The following ALG9 variants were observed in gnomAD, a reference collection of about 807,000 sequenced individuals.
The protein encoded by ALG9 is alpha-1,2-mannosyltransferase ALG9.
Under a neutral mutation model 81.8 loss-of-function variants are expected in ALG9, and 55 were observed. The ratio of observed to expected loss-of-function variants is 0.67; its 90% CI spans 0.54 to 0.84. The LOEUF (loss-of-function observed/expected upper bound fraction) is 0.84, where lower values mean the gene tolerates loss of function less well. ALG9 is among the 40% of genes least tolerant of loss of function. The pLI is 0.00. For missense variants in ALG9, 629 were observed against 745.0 expected, an observed-to-expected ratio of 0.84 and a Z score of 1.81; for synonymous variants, 278 against 274.3, an observed-to-expected ratio of 1.01 and a Z score of -0.13.
At chr11:111,789,588 T>C (rs1319951014) in intron 14 of ALG9, among the ~76,000 whole-genome samples, 1 of 150,892 alleles carries the variant, frequency 6.6e-6, no homozygotes, top group Non-Finnish European at 1.5e-5. Flanking sequence ...ATGCCTGTAA[T>C]CCCAGCACTT....
At chr11:111,859,287 T>G (rs370691372) in intron 5 of ALG9, among the ~76,000 whole-genome samples, 1 of 152,042 alleles carries the variant, frequency 6.6e-6, no homozygotes, top group South Asian at 2.1e-4. Context: ...GTGGATCACG[T>G]GGTCAGGAGT....
Position 111,838,335 on chromosome 11 carries a change from T to C in ALG9, c.1238A>G (p.Tyr413Cys), listed in dbSNP as rs1555119824. 3.1e-6 allele frequency: 5 copies of C among 1,613,870 alleles called. No homozygotes were observed. Among genetic ancestry groups the C allele is most frequent in the Non-Finnish European group, 3.4e-6 (4 of 1,179,830 alleles). The stretch of plus-strand genomic sequence containing the variant: ...TGCCAGCCAATTCGATGTCACAGTA[T>C]AGTGCTCCAGGCGATATCGTTGAAA... ...FVFQRYRLEH[Y>C]TVTSNWLALG... is the part of the protein sequence containing the mutation. Residue 413 changes from tyrosine to cysteine, a missense_variant, in exon 11 of 15, where the codon TAT becomes TGT. Physicochemically the swap from Tyr to Cys is radical, Grantham distance 194. Coordinates refer to ENST00000616540, the MANE Select transcript of ALG9 (RefSeq NM_024740.2).
rs1946247733 is a variant in ALG9 at position 111,784,347 on chromosome 11, A to C, written c.*2050T>G. 6.6e-6 allele frequency: 1 copy of C among 152,214 alleles called. No homozygotes were observed. Among genetic ancestry groups the C allele is most frequent in the Non-Finnish European group, 1.5e-5 (1 of 68,048 alleles). The allele number at this position is 152,214 out of a possible 1,614,324, so 9.4% of individuals were successfully genotyped here. On this transcript the variant is annotated 3_prime_UTR_variant, in exon 15 of 15. Transcript: ENST00000616540. ...CAAAGAGGAGCTTTTTAATATTGTAACTAGCCATTTCTTCTGTTATCACTT... is the reference window on the plus strand; with the variant it reads ...CAAAGAGGAGCTTTTTAATATTGTACCTAGCCATTTCTTCTGTTATCACTT...
chr11:111,847,188 GA>G (rs1408182595), intron 8 of ALG9, among the ~76,000 whole-genome samples: 1 of 151,512 alleles, frequency 6.6e-6, no homozygotes, highest in Non-Finnish European at 1.5e-5. Flanking sequence ...AAGTTCAAGA[GA>G]AATGATTAAC....
intron 8 of ALG9, among the ~76,000 whole-genome samples, chr11:111,848,590 C>CAAAAA (rs60317912): frequency 4.0e-5 from 2 of 50,238 alleles, no homozygotes; most frequent in African/African-American, 5.4e-5. Context: ...AACTCCATCT[C>CAAAAA]AAAAAAAAAA....
At chr11:111,802,048 A>G (rs1200493765) in intron 14 of ALG9, among the ~76,000 whole-genome samples, 1 of 152,166 alleles carries the variant, frequency 6.6e-6, no homozygotes, top group Non-Finnish European at 1.5e-5. Flanking sequence ...AGTTCTGGCA[A>G]TGTCTTGAAC....
At chr11:111,808,733 T>A (rs1200610116) in intron 14 of ALG9, among the ~76,000 whole-genome samples, 1 of 152,168 alleles carries the variant, frequency 6.6e-6, no homozygotes, top group Non-Finnish European at 1.5e-5. Flanking sequence ...ACCTCCTGGC[T>A]CCTGGGCTCT....
intron 2 of ALG9, 142 bp from the exon 3 acceptor site, chr11:111,868,878 T>C (rs1963355492): frequency 2.4e-6 from 2 of 823,674 alleles, no homozygotes; most frequent in Non-Finnish European, 1.7e-6. Context: ...CCCAGCACTT[T>C]GGGAGGGCAA....
At chr11:111,789,094 C>T (rs1429703262) in intron 14 of ALG9, among the ~76,000 whole-genome samples, 2 of 151,896 alleles carry the variant, frequency 1.3e-5, no homozygotes, top group African/African-American at 4.8e-5. Context: ...CCTCCTGCCT[C>T]GGTCTCCCAA....
chr11:111,812,926 A>AAAAAAAG (rs1343718516), intron 13 of ALG9, among the ~76,000 whole-genome samples: 2 of 151,274 alleles, frequency 1.3e-5, no homozygotes, highest in Admixed American at 6.6e-5. Context: ...AAAAAAAAAA[A>AAAAAAAG]AAAAAAAGAA....
At chr11:111,771,488 C>T in the ALG9 span, 1 of 152,252 alleles carries the variant, frequency 6.6e-6, no homozygotes, top group East Asian at 1.9e-4. Context: ...TTGCGTCTCC[C>T]TTACAGCCAA....
At chr11:111,777,470 C>T (rs1023034355), downstream of ALG9, among the ~76,000 whole-genome samples, 13 of 152,154 alleles carry the variant, frequency 8.5e-5, no homozygotes, top group Admixed American at 7.2e-4. Context: ...ATAGGATGCC[C>T]TCTGCTGGAC....
chr11:111,865,191 A>G lies in ALG9; in HGVS notation c.466T>C (p.Tyr156His). The stretch of plus-strand genomic sequence containing the variant: ...AGTTTTTATACTCACTTGTAAAAGT[A>G]AAGTTCACAAATACAGCTCACAAAA... ...LAFVSCICEL[Y>H]FYKAVCKKFG... Residue 156 changes from tyrosine (Y) to histidine (H), a missense_variant, in exon 4 of 15, where the codon TAC (tyrosine) becomes CAC (histidine). By Grantham distance (83) the Tyr-to-His change is moderately conservative. This residue lies in a region of ALG9 where 344 missense variants were observed against 390.5 expected (regional missense o/e 0.88). Transcript: ENST00000616540. The G allele has an allele frequency of 1.3e-6, 2 of 1,546,452 alleles. No individual in the cohort carries two copies. The highest frequency in any genetic ancestry group is 1.7e-6 in the Non-Finnish European group (2 of 1,145,954).
In ALG9 at chr11:111,783,835, A is replaced by T. The variant is rs1946175304; in HGVS notation, c.*2562T>A. The T allele has an allele frequency of 6.6e-6, 1 of 152,122 alleles. No individual in the cohort carries two copies. The highest frequency in any genetic ancestry group is 2.4e-5 in the African/African-American group (1 of 41,428). 9.4% of individuals were successfully genotyped at this position (152,122 alleles called of 1,614,324 possible). ...ACAGAGAGATCCAAAATCAGGTTTT[A>T]AAAGTGATAGGAACTGATATTTCCA... is the stretch of plus-strand genomic sequence containing the variant. On this transcript the variant is annotated 3_prime_UTR_variant, in exon 15 of 15. Coordinates refer to ENST00000616540, the MANE Select transcript of ALG9 (RefSeq NM_024740.2).
In ALG9 at chr11:111,865,241, AAC is replaced by A; in HGVS notation, c.414_415del (p.Phe139LeufsTer15). 1 of 1,552,294 alleles carries A rather than the reference AAC, an allele frequency of 6.4e-7. No individual in the cohort carries two copies. Among genetic ancestry groups the A allele is most frequent in the Non-Finnish European group, 8.7e-7 (1 of 1,147,454 alleles). On this transcript the variant is annotated frameshift_variant, in exon 4 of 15. Coordinates refer to ENST00000616540, the MANE Select transcript of ALG9 (RefSeq NM_024740.2). LOFTEE classifies it high-confidence loss of function. ...AGCCAGAAGACATCGCAAAAAGTAA[AAC>A]ACAAGAATCTAAAAGAAACCCAGAA...
chr11:111,862,381 G>C (rs1297482695), intron 4 of ALG9, among the ~76,000 whole-genome samples: 1 of 151,702 alleles, frequency 6.6e-6, no homozygotes, highest in Non-Finnish European at 1.5e-5. Flanking sequence ...CTATAGGCAT[G>C]TGCCACCACA....
chr11:111,788,506 G>A, intron 14 of ALG9: 1 of 452,388 alleles, frequency 2.2e-6, no homozygotes, highest in South Asian at 1.6e-5. Flanking sequence ...TATTTTGAGA[G>A]GCTGAGGTGG....
chr11:111,794,850 T>C (rs886195820), intron 14 of ALG9, among the ~76,000 whole-genome samples: 4 of 152,240 alleles, frequency 2.6e-5, no homozygotes, highest in African/African-American at 9.6e-5. Flanking sequence ...AACTTGGCTT[T>C]TGCAGCTATC....
At chr11:111,861,404 A>G (rs1392018481) in intron 4 of ALG9, among the ~76,000 whole-genome samples, 3 of 152,330 alleles carry the variant, frequency 2.0e-5, no homozygotes, top group Admixed American at 1.3e-4. Context: ...AGTTATTTCA[A>G]TAAGAATCTG....
Sources: gnomAD v4.1 joint callset for allele counts (sites outside exome capture counted in the v4.1 genomes callset) on GRCh38, gnomAD v4.1.1 for gene constraint, gnomAD v4.1.1 regional missense constraint, MANE v1.5 for transcripts, NCBI Gene and HGNC (gene_info 2026-07-23, HGNC 2026-07-21) for gene names.